GRID2: variants seen among roughly 807,000 people sequenced by gnomAD.
GRID2 encodes the protein glutamate ionotropic receptor delta type subunit 2.
GRID2 carries 33 observed loss-of-function variants against 114.8 expected under a neutral mutation model. The observed-to-expected ratio is 0.29, with a 90% CI of 0.22 to 0.38. The LOEUF is 0.38. Ranked by LOEUF, GRID2 falls within the 10% of genes least tolerant of loss-of-function variation. The pLI, the probability that GRID2 is intolerant of heterozygous loss-of-function variation, is 1.00. For missense variants in GRID2, 1,184 were observed against 1,257.7 expected (o/e 0.94, Z 0.89); for synonymous variants, 505 against 449.9 (o/e 1.12, Z -1.55).
rs899872794 is a variant in GRID2, at chr4:92,865,821, G to A, written c.245-219174G>A. On this transcript the variant is annotated intron_variant, in intron 2 of 15. Transcript: ENST00000282020. The stretch of plus-strand genomic sequence containing the variant: ...TTTTACAGTTTGATTATCAAGAAAC[G>A]GCAAAGCAAAAATACTCTTGTTTGA... 3.3e-5 allele frequency among the ~76,000 whole-genome samples: 5 copies of A among 152,060 alleles called. No individual in the cohort carries two copies. The East Asian group carries it at 9.6e-4, about 29-fold the overall frequency.
intron 2 of GRID2, among the ~76,000 whole-genome samples, chr4:93,050,043 T>C (rs1302056369): frequency 7.9e-5 from 12 of 152,068 alleles, no homozygotes. Context: ...AATTATACTG[T>C]AGTAAATATT....
intron 1 of GRID2, among the ~76,000 whole-genome samples, chr4:92,402,670 C>G (rs1730843841): frequency 6.6e-6 from 1 of 152,168 alleles, no homozygotes; most frequent in Non-Finnish European, 1.5e-5. Flanking sequence ...AATGTACATT[C>G]ATCCAGGCTT....
At chr4:92,403,046 C>G (rs566478996) in intron 1 of GRID2, among the ~76,000 whole-genome samples, 1 of 152,298 alleles carries the variant, frequency 6.6e-6, no homozygotes, top group South Asian at 2.1e-4. Context: ...AGGCTTCTAT[C>G]TTAATGCTTA....
chr4:92,470,747 G>A (rs1721993284), intron 1 of GRID2, among the ~76,000 whole-genome samples: 1 of 151,844 alleles, frequency 6.6e-6, no homozygotes, highest in East Asian at 1.9e-4. Flanking sequence ...ATAAAATTAC[G>A]AGTGCCCACT....
At chr4:93,014,405 G>A (rs1165509036) in intron 2 of GRID2, among the ~76,000 whole-genome samples, 1 of 151,250 alleles carries the variant, frequency 6.6e-6, no homozygotes, top group Non-Finnish European at 1.5e-5. Context: ...ATAACACAGA[G>A]TTATCTTAAG....
At chr4:92,499,607 G>GTTTA (rs775097464) in intron 1 of GRID2, among the ~76,000 whole-genome samples, 1 of 151,898 alleles carries the variant, frequency 6.6e-6, no homozygotes, top group African/African-American at 2.4e-5. Context: ...TGAATGTTTT[G>GTTTA]TTTATTTATT....
chr4:93,339,421 T>C (rs1759417731), intron 8 of GRID2, among the ~76,000 whole-genome samples: 2 of 152,090 alleles, frequency 1.3e-5, no homozygotes, highest in South Asian at 2.1e-4. Context: ...AAGGTAGGGA[T>C]TGGAGTTATG....
intron 2 of GRID2, among the ~76,000 whole-genome samples, chr4:93,012,121 T>C (rs1722240455): frequency 6.7e-6 from 1 of 149,946 alleles, no homozygotes; most frequent in South Asian, 2.1e-4. Context: ...CACCTGTAAG[T>C]GTACTTCAGA....
chr4:93,199,093 TG>T (rs1404100110), intron 4 of GRID2, among the ~76,000 whole-genome samples: 1 of 152,084 alleles, frequency 6.6e-6, no homozygotes, highest in Non-Finnish European at 1.5e-5. Flanking sequence ...TATTAGCATA[TG>T]GTAAAATAGG....
At chr4:92,712,234 T>C (rs1474938252) in intron 2 of GRID2, among the ~76,000 whole-genome samples, 1 of 152,208 alleles carries the variant, frequency 6.6e-6, no homozygotes, top group African/African-American at 2.4e-5. Context: ...GTATTTTGTA[T>C]TTACAATCGG....
chr4:93,766,297 G>C (rs972181338), intron 14 of GRID2, among the ~76,000 whole-genome samples: 2 of 152,312 alleles, frequency 1.3e-5, no homozygotes, highest in East Asian at 1.9e-4. Context: ...TGGCTGGGGA[G>C]GCCTCAGGAA....
Position 92,376,586 on chromosome 4 carries a change from C to T in GRID2, c.88+71842C>T, listed in dbSNP as rs147099118. Among the ~76,000 whole-genome samples, 46 of 152,286 alleles carry T rather than the reference C, an allele frequency of 3.0e-4. No homozygotes were observed. The East Asian group carries it at 8.3e-3, about 28-fold the overall frequency. On this transcript the variant is annotated intron_variant, in intron 1 of 15. Transcript: ENST00000282020. ...ACTAGGCGGTGCCCCATTAGGGACT[C>T]TGTGTGGGGGCTCTGACCCCACATT...
chr4:93,050,479 C>T (rs1366410520), intron 2 of GRID2, among the ~76,000 whole-genome samples: 1 of 150,878 alleles, frequency 6.6e-6, no homozygotes, highest in Non-Finnish European at 1.5e-5. Context: ...ACCATGAAGT[C>T]AGTCCTTGAC....
At chr4:93,435,001 A>T (rs1425025040) in intron 10 of GRID2, among the ~76,000 whole-genome samples, 1 of 151,998 alleles carries the variant, frequency 6.6e-6, no homozygotes, top group African/African-American at 2.4e-5. Context: ...ATTAGAGAGG[A>T]CTGCCATTGC....
chr4:92,343,366 A>G (rs1306682394), intron 1 of GRID2, among the ~76,000 whole-genome samples: 1 of 152,006 alleles, frequency 6.6e-6, no homozygotes. Flanking sequence ...TTATAAATGT[A>G]CACTCTCTGT....
chr4:93,606,445 G>A (rs112455352), intron 13 of GRID2, among the ~76,000 whole-genome samples: 50 of 152,106 alleles, frequency 3.3e-4, no homozygotes, highest in African/African-American at 1.0e-3. Flanking sequence ...CCCAACTAGA[G>A]ATAAAATTGA....
intron 2 of GRID2, among the ~76,000 whole-genome samples, chr4:92,820,554 A>G (rs1439017524): frequency 6.6e-6 from 1 of 152,158 alleles, no homozygotes; most frequent in Admixed American, 6.6e-5. Flanking sequence ...GGTACTTACT[A>G]GAAGTGAGTA....
In GRID2 at chr4:93,482,191, T is replaced by C. The variant is rs183786242; in HGVS notation, c.1859-8448T>C. On this transcript the variant is annotated intron_variant, in intron 11 of 15. Coordinates refer to ENST00000282020, the MANE Select transcript of GRID2 (RefSeq NM_001510.4). ...GTTCTTACCATGATATTACTGGGTA[T>C]ATACCCAAAGGATTATAAATCATTT... is the stretch of plus-strand genomic sequence containing the variant. Among the ~76,000 whole-genome samples, 54 of 152,154 alleles carry C rather than the reference T, an allele frequency of 3.5e-4. No homozygotes were observed. In the East Asian group the frequency reaches 9.1e-3, roughly 26 times the overall value.
chr4:93,089,141 A>G (rs773710812), intron 3 of GRID2, among the ~76,000 whole-genome samples: 103 of 152,166 alleles, frequency 6.8e-4, no homozygotes, highest in Non-Finnish European at 1.3e-3. Flanking sequence ...CAATTCAAAT[A>G]TGAATGATCT....
Sources: allele counts gnomAD v4.1 joint callset (sites outside exome capture counted in the v4.1 genomes callset), GRCh38; gene constraint gnomAD v4.1.1; transcripts MANE v1.5; gene names NCBI Gene and HGNC (gene_info 2026-07-23, HGNC 2026-07-21).